Variants in NADSYN1 observed in about 807,000 individuals in gnomAD.
NADSYN1 encodes the protein NAD synthetase 1, also known as glutamine-dependent NAD(+) synthetase.
NADSYN1 carries 80 observed loss-of-function variants against 99.3 expected under a neutral mutation model. The ratio of observed to expected loss-of-function variants is 0.81; its 90% confidence interval spans 0.67 to 0.97. NADSYN1 has a LOEUF of 0.97. NADSYN1 is among the 50% of genes least tolerant of loss of function. The pLI, the probability that NADSYN1 is intolerant of heterozygous loss-of-function variation, is 0.00. For missense variants in NADSYN1, 859 were observed against 948.5 expected, an observed-to-expected ratio of 0.91 and a Z score of 1.24; for synonymous variants, 385 against 372.1, an observed-to-expected ratio of 1.03 and a Z score of -0.40.
chr11:71,480,937 G>A (rs2120471164), intron 11 of NADSYN1, 58 bp downstream of exon 11: 2 of 1,600,882 alleles, frequency 1.2e-6, no homozygotes. Context: ...CGCCCCTGGG[G>A]TGGGGACTCC....
At chr11:71,466,930 G>C (rs1949595478) in intron 5 of NADSYN1, among the ~76,000 whole-genome samples, 1 of 152,132 alleles carries the variant, frequency 6.6e-6, no homozygotes, top group South Asian at 2.1e-4. Context: ...CCTACGCCTG[G>C]AGACCTTGAG....
intron 18 of NADSYN1, among the ~76,000 whole-genome samples, chr11:71,494,614 G>C (rs187084065): frequency 6.6e-6 from 1 of 152,164 alleles, no homozygotes; most frequent in Non-Finnish European, 1.5e-5. Context: ...GCAGTGGTGC[G>C]ATCTCGGCTC....
intron 9 of NADSYN1, chr11:71,474,760 A>G: frequency 2.0e-6 from 1 of 506,538 alleles, no homozygotes. Context: ...GTGCTTAGTG[A>G]GGGCCCCTGT....
At chr11:71,481,232 G>T in intron 11 of NADSYN1, 124 bp from the exon 12 acceptor site, 1 of 958,004 alleles carries the variant, frequency 1.0e-6, no homozygotes. Context: ...AAGCAGAGAC[G>T]GGCGTCCTGA....
chr11:71,482,324 C>T (rs1350637951), intron 13 of NADSYN1, among the ~76,000 whole-genome samples: 1 of 152,234 alleles, frequency 6.6e-6, no homozygotes, highest in Non-Finnish European at 1.5e-5. Context: ...GGTTCACATC[C>T]TCCCCCATGT....
At chr11:71,493,530 A>T (rs1376576599) in intron 18 of NADSYN1, among the ~76,000 whole-genome samples, 2 of 152,188 alleles carry the variant, frequency 1.3e-5, no homozygotes, top group Non-Finnish European at 2.9e-5. Flanking sequence ...GCCCAGGCTG[A>T]TGGATGTGTT....
intron 9 of NADSYN1, chr11:71,477,126 C>T (rs1949672745): frequency 8.9e-7 from 1 of 1,129,826 alleles, no homozygotes; most frequent in African/African-American, 1.7e-5. Flanking sequence ...AGCAACAGAC[C>T]TGCCGATCAC....
intron 9 of NADSYN1, chr11:71,477,451 G>A (rs1949676745): frequency 3.2e-5 from 41 of 1,289,492 alleles, no homozygotes; most frequent in Non-Finnish European, 4.1e-5. Context: ...ATGGCCCCCT[G>A]TTACGGCGGT....
At chr11:71,491,093 C>T (rs1949775892) in intron 17 of NADSYN1, 117 bp downstream of exon 17, 2 of 1,398,680 alleles carry the variant, frequency 1.4e-6, no homozygotes, top group Non-Finnish European at 1.9e-6. Context: ...GCTGAATGGT[C>T]CTGCCCCTGA....
At chr11:71,480,914 G>T in intron 11 of NADSYN1, 35 bp downstream of exon 11, 1 of 1,610,468 alleles carries the variant, frequency 6.2e-7, no homozygotes, top group Non-Finnish European at 8.5e-7. Flanking sequence ...GGGACCTGGC[G>T]TCTGTGTGGC....
At chr11:71,479,321 C>T (rs1949689740) in intron 10 of NADSYN1, 2 of 151,090 alleles carry the variant, frequency 1.3e-5, no homozygotes, top group Non-Finnish European at 2.9e-5. Flanking sequence ...GTCTTGAACT[C>T]CTGGGCTAAA....
intron 3 of NADSYN1, among the ~76,000 whole-genome samples, chr11:71,463,025 C>T (rs1254106437): frequency 6.6e-6 from 1 of 152,164 alleles, no homozygotes; most frequent in Non-Finnish European, 1.5e-5. Flanking sequence ...GGAGGGGTTC[C>T]ACCTGTCCCA....
intron 9 of NADSYN1, among the ~76,000 whole-genome samples, chr11:71,478,089 G>A (rs1949681572): frequency 6.6e-6 from 1 of 151,892 alleles, no homozygotes; most frequent in South Asian, 2.1e-4. Flanking sequence ...TACTGACAGG[G>A]GTGTCTTACT....
In NADSYN1 at chr11:71,453,344, C is replaced by T; in HGVS notation, c.48C>T (p.Ala16=). ...TVATCALNQW[A]LDFEGNLQRI... is the part of the protein sequence containing the mutation. Reference sequence around the variant, plus strand: ...CCACCTGCGCACTCAACCAGTGGGCCCTGGACTTCGAGGGCAATTTGCAAA... The same window carrying T: ...CCACCTGCGCACTCAACCAGTGGGCTCTGGACTTCGAGGGCAATTTGCAAA... Residue 16 remains alanine (A), a synonymous_variant, in exon 1 of 21, where the codon GCC becomes GCT. Coordinates refer to ENST00000319023, the MANE Select transcript of NADSYN1 (RefSeq NM_018161.5). 6.2e-7 allele frequency: 1 copy of T among 1,613,846 alleles called. No homozygotes were observed.
At chr11:71,470,039 A>G (rs11233789) in intron 5 of NADSYN1, among the ~76,000 whole-genome samples, 85,223 of 152,162 alleles carry the variant, frequency 0.56, 26,752 homozygotes, top group Non-Finnish European at 0.74. Flanking sequence ...TCACAGTTCC[A>G]TGTGGCTGGG....
intron 15 of NADSYN1, 112 bp downstream of exon 15, chr11:71,484,559 A>C: frequency 2.1e-4 from 296 of 1,422,486 alleles, no homozygotes; most frequent in Non-Finnish European, 2.5e-4. Flanking sequence ...CATGAAGCTC[A>C]TGGCACCGGT....
rs769184655 is a variant in NADSYN1 at position 71,473,326 on chromosome 11, A to C, written c.508A>C (p.Ile170Leu). 2.2e-5 allele frequency: 35 copies of C among 1,614,080 alleles called. No individual in the cohort carries two copies. In the Admixed American group the frequency reaches 4.3e-4, roughly 20 times the overall value. The change falls in exon 7 of 21, where the codon ATT becomes CTT. Residue 170 changes from isoleucine (I) to leucine (L), a missense_variant. Physicochemically the swap from Ile to Leu is conservative, Grantham distance 5. Transcript: ENST00000319023. Reference protein sequence around the residue: ...DAVLVTWDTCIGSEICEELWT... With the variant: ...DAVLVTWDTCLGSEICEELWT... The stretch of plus-strand genomic sequence containing the variant: ...GGTGCTGGTGACATGGGACACCTGC[A>C]TTGGAAGTGAGATCTGTGAGGAGCT...
intron 16 of NADSYN1, among the ~76,000 whole-genome samples, chr11:71,488,417 C>T (rs1041026009): frequency 1.3e-5 from 2 of 151,982 alleles, no homozygotes; most frequent in Non-Finnish European, 2.9e-5. Flanking sequence ...GAGAAGAGCC[C>T]GTGAAGCCCT....
intron 3 of NADSYN1, among the ~76,000 whole-genome samples, chr11:71,461,578 AC>A (rs745843138): frequency 3.3e-5 from 5 of 151,908 alleles, no homozygotes; most frequent in Non-Finnish European, 5.9e-5. Flanking sequence ...ACAGGCATGC[AC>A]CACCACACCC....
Sources: gnomAD v4.1 joint callset for allele counts (sites outside exome capture counted in the v4.1 genomes callset) on GRCh38, gnomAD v4.1.1 for gene constraint, MANE v1.5 for transcripts, NCBI Gene and HGNC (gene_info 2026-07-23, HGNC 2026-07-21) for gene names.